Variants in RABGAP1L observed in about 807,000 individuals in gnomAD.
RABGAP1L encodes rab GTPase-activating protein 1-like.
RABGAP1L carries 63 observed loss-of-function variants against 137.7 expected under a neutral mutation model. The observed-to-expected ratio is 0.46, with a 90% CI of 0.37 to 0.56. The LOEUF is 0.56. Ranked by LOEUF, RABGAP1L falls within the 20% of genes least tolerant of loss-of-function variation. The pLI is 0.00. For missense variants in RABGAP1L, 1,095 were observed against 1,244.0 expected (o/e 0.88, Z 1.80); for synonymous variants, 431 against 433.7 (o/e 0.99, Z 0.08).
intron 13 of RABGAP1L, among the ~76,000 whole-genome samples, chr1:174,489,788 A>C (rs1660047742): frequency 6.6e-6 from 1 of 152,208 alleles, no homozygotes; most frequent in Non-Finnish European, 1.5e-5. Context: ...CCAAATGTCC[A>C]TCAATGATAG....
At position 174,212,838 on chromosome 1, in the gene RABGAP1L, C is replaced by T. The variant is rs147525039; in HGVS notation, c.-33-6287C>T. Among the ~76,000 whole-genome samples the T allele has an allele frequency of 9.5e-3, 1,443 of 152,048 alleles. 7 individuals are homozygous for T. The highest frequency in any genetic ancestry group is 0.015 in the Non-Finnish European group (1,044 of 67,970). The stretch of plus-strand genomic sequence containing the variant: ...GAGATCCAAATTAATAAAATAAAAT[C>T]AGAGATGAAAAAGGAGGCATTACAG... On this transcript the variant is annotated intron_variant, in intron 1 of 25. Transcript: ENST00000681986.
chr1:174,762,041 T>C (rs1178534086), intron 18 of RABGAP1L, among the ~76,000 whole-genome samples: 1 of 151,886 alleles, frequency 6.6e-6, no homozygotes, highest in Non-Finnish European at 1.5e-5. Context: ...CTGCAGGTAG[T>C]GAGGGGATGC....
chr1:174,731,327 C>A (rs1049249750), intron 17 of RABGAP1L, among the ~76,000 whole-genome samples: 1 of 152,148 alleles, frequency 6.6e-6, no homozygotes, highest in African/African-American at 2.4e-5. Context: ...TGCTGTAAGA[C>A]TACACAAATG....
intron 11 of RABGAP1L, among the ~76,000 whole-genome samples, chr1:174,314,326 C>G (rs1243859188): frequency 6.6e-6 from 1 of 152,100 alleles, no homozygotes; most frequent in African/African-American, 2.4e-5. Context: ...ACTGATGATC[C>G]TTTGAATTTC....
intron 13 of RABGAP1L, among the ~76,000 whole-genome samples, chr1:174,425,733 A>C (rs1369690048): frequency 6.6e-6 from 1 of 152,056 alleles, no homozygotes; most frequent in Non-Finnish European, 1.5e-5. Context: ...GTGTTACTTA[A>C]TAATTGAAGT....
chr1:174,627,656 A>G (rs1452279663), intron 13 of RABGAP1L, among the ~76,000 whole-genome samples: 1 of 152,174 alleles, frequency 6.6e-6, no homozygotes, highest in Admixed American at 6.5e-5. Context: ...TTTTGAGAAT[A>G]AGTTTAGTCT....
At chr1:174,289,575 T>C (rs1676386260) in intron 10 of RABGAP1L, among the ~76,000 whole-genome samples, 1 of 152,228 alleles carries the variant, frequency 6.6e-6, no homozygotes, top group Admixed American at 6.5e-5. Context: ...ATTGTATTAG[T>C]GTCTGCACAA....
At chr1:174,324,498 G>C (rs1197753134) in intron 11 of RABGAP1L, among the ~76,000 whole-genome samples, 4 of 152,080 alleles carry the variant, frequency 2.6e-5, no homozygotes, top group Non-Finnish European at 4.4e-5. Context: ...AGTTCACTGT[G>C]GAACACTGAA....
chr1:174,877,448 C>A, intron 19 of RABGAP1L: 2 of 1,608,224 alleles, frequency 1.2e-6, no homozygotes, highest in South Asian at 2.2e-5. Context: ...ATAGTCTGGT[C>A]TGGAGCTGGG....
intron 12 of RABGAP1L, among the ~76,000 whole-genome samples, chr1:174,391,126 G>A (rs1341024975): frequency 1.3e-5 from 2 of 152,092 alleles, no homozygotes; most frequent in East Asian, 3.9e-4. Context: ...AATCCAGTGG[G>A]GCATGGAGAG....
At chr1:174,263,760 T>C (rs975146386) in intron 7 of RABGAP1L, among the ~76,000 whole-genome samples, 2 of 152,060 alleles carry the variant, frequency 1.3e-5, no homozygotes, top group Non-Finnish European at 2.9e-5. Context: ...TATTTTGCCT[T>C]GCTATGAGAT....
At chr1:174,703,814 T>A (rs1679849755) in intron 17 of RABGAP1L, among the ~76,000 whole-genome samples, 1 of 152,226 alleles carries the variant, frequency 6.6e-6, no homozygotes, top group Admixed American at 6.5e-5. Context: ...TGATTTTAAT[T>A]TGCATTTCTT....
chr1:174,182,653 A>C (rs1666471076), intron 1 of RABGAP1L, among the ~76,000 whole-genome samples: 1 of 152,306 alleles, frequency 6.6e-6, no homozygotes, highest in East Asian at 1.9e-4. Flanking sequence ...CTGAGTCTGA[A>C]TATTTCCACA....
chr1:174,478,452 T>C (rs1158568134), intron 13 of RABGAP1L, among the ~76,000 whole-genome samples: 5 of 151,908 alleles, frequency 3.3e-5, no homozygotes, highest in African/African-American at 1.2e-4. Flanking sequence ...AAAAAAAATT[T>C]TTTTTTAAGA....
intron 17 of RABGAP1L, among the ~76,000 whole-genome samples, chr1:174,706,062 A>G (rs935566070): frequency 6.6e-6 from 1 of 152,184 alleles, no homozygotes; most frequent in African/African-American, 2.4e-5. Context: ...TCCCATTGCA[A>G]AGTGAAAAAG....
chr1:174,563,251 A>G (rs1489933886), intron 13 of RABGAP1L, among the ~76,000 whole-genome samples: 2 of 152,154 alleles, frequency 1.3e-5, no homozygotes, highest in Non-Finnish European at 2.9e-5. Flanking sequence ...CTTAAAATTT[A>G]TGTTTGGTTT....
intron 11 of RABGAP1L, among the ~76,000 whole-genome samples, chr1:174,327,310 G>GTAT (rs1337939995): frequency 4.4e-5 from 6 of 136,808 alleles, no homozygotes; most frequent in Non-Finnish European, 9.4e-5. Flanking sequence ...ATATAATAAG[G>GTAT]TATAATAATA....
At chr1:174,860,453 A>G (rs961643229) in intron 19 of RABGAP1L, among the ~76,000 whole-genome samples, 6 of 152,190 alleles carry the variant, frequency 3.9e-5, no homozygotes, top group African/African-American at 1.4e-4. Context: ...CTGTTTAAAA[A>G]AAAATTAAAA....
At chr1:174,769,093 G>A (rs538806751) in intron 18 of RABGAP1L, among the ~76,000 whole-genome samples, 3 of 152,114 alleles carry the variant, frequency 2.0e-5, no homozygotes, top group South Asian at 2.1e-4. Context: ...AATTCATGGA[G>A]CATTGCAGTA....
Sources: allele counts gnomAD v4.1 joint callset (sites outside exome capture counted in the v4.1 genomes callset), GRCh38; gene constraint gnomAD v4.1.1; transcripts MANE v1.5; gene names NCBI Gene and HGNC (gene_info 2026-07-23, HGNC 2026-07-21).